The following PI4KB variants were observed in gnomAD, a reference collection of about 807,000 sequenced individuals.
The protein encoded by PI4KB is PtdIns 4-kinase beta.
Under a neutral mutation model 81.4 loss-of-function variants are expected in PI4KB, and 23 were observed. That is an observed-to-expected ratio of 0.28 (90% CI 0.20 to 0.40). PI4KB has a LOEUF of 0.40. Ranked by LOEUF, PI4KB falls within the 10% of genes least tolerant of loss-of-function variation. The probability of loss-of-function intolerance (pLI) is 1.00; values close to 1 mark genes in which losing one functional copy is unlikely to be tolerated. For missense variants in PI4KB, 651 were observed against 1,036.6 expected, an observed-to-expected ratio of 0.63 and a Z score of 5.11; for synonymous variants, 381 against 406.8, an observed-to-expected ratio of 0.94 and a Z score of 0.76.
At chr1:151,309,724 C>T (rs1456491831) in intron 3 of PI4KB, among the ~76,000 whole-genome samples, 2 of 152,200 alleles carry the variant, frequency 1.3e-5, no homozygotes, top group African/African-American at 4.8e-5. Context: ...AACTTTCCTT[C>T]AGGCCAAGTC....
At chr1:151,294,326 T>G in intron 10 of PI4KB, 83 bp downstream of exon 10, 1 of 1,522,070 alleles carries the variant, frequency 6.6e-7, no homozygotes, top group African/African-American at 1.4e-5. Flanking sequence ...ATCCCTAATT[T>G]GCAGGGAGCC....
At position 151,307,573 on chromosome 1, in the gene PI4KB, C is replaced by T. The variant is rs1279890209; in HGVS notation, c.1182+1G>A. 6.2e-7 allele frequency: 1 copy of T among 1,607,090 alleles called. No individual in the cohort carries two copies. The highest frequency in any genetic ancestry group is 8.5e-7 in the Non-Finnish European group (1 of 1,173,680). ...AGGGGTTTGGGCCAGAACCCATCTA[C>T]CTTGTCCTTGGAGTTGAGGACAACA... On this transcript the variant is annotated splice_donor_variant, in intron 4 of 11. Coordinates refer to ENST00000368873, the MANE Select transcript of PI4KB (RefSeq NM_001369623.2). LOFTEE classifies it high-confidence loss of function.
chr1:151,316,657 A>AT, intron 1 of PI4KB, 148 bp from the exon 2 acceptor site: 2 of 531,554 alleles, frequency 3.8e-6, no homozygotes, highest in South Asian at 3.7e-5. Flanking sequence ...AAATCAGATA[A>AT]GAAGACATAT....
Position 151,302,266 on chromosome 1 carries a change from G to C in PI4KB, c.1553C>G (p.Pro518Arg). ...RRLSEQLAHT[P>R]TAFKRDPEDP... ...TTCTGGGTCTCGTTTGAAGGCTGTC[G>C]GGGTATGAGCCAGCTGTTCCGAAAG... Residue 518 changes from proline to arginine, a missense_variant, in exon 7 of 12, where the codon CCG becomes CGG. Around this residue, in one of 5 missense-constraint regions of PI4KB, gnomAD observed 246 missense variants for 430.1 expected, o/e 0.57. Coordinates refer to ENST00000368873, the MANE Select transcript of PI4KB (RefSeq NM_001369623.2). 6.2e-7 allele frequency: 1 copy of C among 1,614,120 alleles called. No homozygotes were observed. Among genetic ancestry groups the C allele is most frequent in the Non-Finnish European group, 8.5e-7 (1 of 1,179,982 alleles).
chr1:151,315,765 C>T lies in PI4KB; in HGVS notation c.717G>A (p.Leu239=). 6.2e-7 allele frequency: 1 copy of T among 1,613,220 alleles called. No homozygotes were observed. Among genetic ancestry groups the T allele is most frequent in the South Asian group, 1.1e-5 (1 of 91,020 alleles). The change falls in exon 2 of 12, where the codon CTG becomes CTA. Residue 239 remains leucine (L), a synonymous_variant. Transcript: ENST00000368873. ...RHSRGTKLRK[L]ILSDELKPAH... is the part of the protein sequence containing the mutation. The stretch of plus-strand genomic sequence containing the variant: ...CTGGCTTTAGCTCATCTGAGAGGAT[C>T]AGCTTCCGTAGCTTGGTCCCACGGG...
chr1:151,294,653 A>C, intron 9 of PI4KB, 112 bp from the exon 10 acceptor site: 3 of 907,098 alleles, frequency 3.3e-6, no homozygotes, highest in Non-Finnish European at 5.3e-6. Flanking sequence ...GTCCCCTGCC[A>C]TGTTTCCTGC....
Position 151,316,745 on chromosome 1 carries a change from C to T in PI4KB, c.-28-236G>A, listed in dbSNP as rs1401178505. ...CTCCTGTAGTTACTCAGCTTAGCCT[C>T]TGTTCTTAGCTTATATATGTGAAAT... is the stretch of plus-strand genomic sequence containing the variant. On this transcript the variant is annotated intron_variant, in intron 1 of 11. Coordinates refer to ENST00000368873, the MANE Select transcript of PI4KB (RefSeq NM_001369623.2). 2.0e-5 allele frequency among the ~76,000 whole-genome samples: 3 copies of T among 152,218 alleles called. No individual in the cohort carries two copies. The East Asian group carries it at 5.8e-4, about 29-fold the overall frequency.
chr1:151,301,884 C>T lies in PI4KB; in HGVS notation c.1709G>A (p.Arg570Gln), dbSNP rs1477864133. The T allele has an allele frequency of 2.5e-6, 4 of 1,614,054 alleles. No homozygotes were observed. The highest frequency in any genetic ancestry group is 3.4e-6 in the Non-Finnish European group (4 of 1,180,006). The stretch of plus-strand genomic sequence containing the variant: ...CACCTGAAAGGCCAGAAGCTCTTGC[C>T]GAAGGTCATCCCCACACTTGACAAT... Reference protein sequence around the residue: ...SVIVKCGDDLRQELLAFQVLK... With the variant: ...SVIVKCGDDLQQELLAFQVLK... Residue 570 changes from arginine (R) to glutamine (Q), a missense_variant, in exon 8 of 12, where the codon CGG becomes CAG. Physicochemically the swap from Arg to Gln is conservative, Grantham distance 43. This residue lies in a region of PI4KB where 246 missense variants were observed against 430.1 expected (regional missense o/e 0.57). Coordinates refer to ENST00000368873, the MANE Select transcript of PI4KB (RefSeq NM_001369623.2).
intron 3 of PI4KB, among the ~76,000 whole-genome samples, chr1:151,308,221 T>A (rs752909033): frequency 6.6e-6 from 1 of 152,182 alleles, no homozygotes; most frequent in Non-Finnish European, 1.5e-5. Context: ...CCCATCTGGA[T>A]CCTTGGGCTA....
At chr1:151,300,024 G>A (rs1016803069) in intron 8 of PI4KB, among the ~76,000 whole-genome samples, 2 of 152,104 alleles carry the variant, frequency 1.3e-5, no homozygotes, top group African/African-American at 2.4e-5. Context: ...TGGCAAAAAC[G>A]GGCAAGGAAG....
intron 2 of PI4KB, 25 bp from the exon 3 acceptor site, chr1:151,310,280 G>A: frequency 6.7e-7 from 1 of 1,486,942 alleles, no homozygotes; most frequent in Non-Finnish European, 9.3e-7. Flanking sequence ...GAGGGCAAAG[G>A]GAGAAGGAGG....
intron 1 of PI4KB, among the ~76,000 whole-genome samples, chr1:151,316,854 G>C (rs908301768): frequency 6.6e-6 from 1 of 152,066 alleles, no homozygotes; most frequent in Non-Finnish European, 1.5e-5. Flanking sequence ...ACGGAGTCTC[G>C]CTCTGTCACC....
intron 9 of PI4KB, 98 bp from the exon 10 acceptor site, chr1:151,294,639 G>C (rs1694636957): frequency 2.6e-6 from 3 of 1,169,860 alleles, no homozygotes; most frequent in African/African-American, 3.0e-5. Context: ...CACCAGGGAG[G>C]GGGGTCCCCT....
intron 2 of PI4KB, among the ~76,000 whole-genome samples, chr1:151,313,697 T>C (rs1054842165): frequency 6.6e-6 from 1 of 152,276 alleles, no homozygotes; most frequent in Non-Finnish European, 1.5e-5. Flanking sequence ...CAACCAGATA[T>C]GAAAACGGTT....
chr1:151,303,021 C>CG (rs975316947), intron 6 of PI4KB, among the ~76,000 whole-genome samples: 2 of 105,544 alleles, frequency 1.9e-5, no homozygotes, highest in Admixed American at 1.1e-4. Flanking sequence ...TTTTTTGAGA[C>CG]GGAGTCTCGT....
chr1:151,306,212 C>G lies in PI4KB; in HGVS notation c.1334G>C (p.Ser445Thr). ...GTCATAGTTGGGCACAGTGCTGAAGCTGCCAGCTCGCTGCTCATGGGTAAT... is the reference window on the plus strand; with the variant it reads ...GTCATAGTTGGGCACAGTGCTGAAGGTGCCAGCTCGCTGCTCATGGGTAAT... ...CGITHEQRAG[S>T]FSTVPNYDND... is the part of the protein sequence containing the mutation. Residue 445 changes from serine to threonine, a missense_variant, in exon 5 of 12, where the codon AGC becomes ACC. This residue lies in a region of PI4KB where 246 missense variants were observed against 430.1 expected (regional missense o/e 0.57). Transcript: ENST00000368873. 1 of 1,614,214 alleles carries G rather than the reference C, an allele frequency of 6.2e-7. No homozygotes were observed. The highest frequency in any genetic ancestry group is 8.5e-7 in the Non-Finnish European group (1 of 1,180,046).
chr1:151,291,828 G>GTAA lies in PI4KB; in HGVS notation c.*1021_*1023dup, dbSNP rs946237370. The GTAA allele has an allele frequency of 5.9e-5, 9 of 152,538 alleles. No individual in the cohort carries two copies. The highest frequency in any genetic ancestry group is 2.1e-4 in the South Asian group (1 of 4,834). The allele number at this position is 152,538 out of a possible 1,614,324, so 9.4% of individuals were successfully genotyped here. ...CTCTCAGGAATCCTTTATTCTTGTA[G>GTAA]TAATAATAATACTAACAAACAGTTG... On this transcript the variant is annotated 3_prime_UTR_variant, in exon 12 of 12. Coordinates refer to ENST00000368873, the MANE Select transcript of PI4KB (RefSeq NM_001369623.2).
rs771211131 is a variant in PI4KB, at chr1:151,315,664, T to A, written c.818A>T (p.Gln273Leu). The stretch of plus-strand genomic sequence containing the variant: ...GGCAGTGGCATCTGACTTAGAGCGC[T>A]GGTGAGTCCTTTTGGAGGGAGACAG... ...TGLSPSKRTH[Q>L]RSKSDATASI... Residue 273 changes from glutamine to leucine, a missense_variant, in exon 2 of 12, where the codon CAG (glutamine) becomes CTG (leucine). Transcript: ENST00000368873. The A allele has an allele frequency of 6.2e-7, 1 of 1,614,120 alleles. No individual in the cohort carries two copies. The highest frequency in any genetic ancestry group is 2.2e-5 in the East Asian group (1 of 44,870).
At position 151,292,159 on chromosome 1, in the gene PI4KB, A is replaced by AAAATT. The variant is rs1453087444; in HGVS notation, c.*688_*692dup. On this transcript the variant is annotated 3_prime_UTR_variant, in exon 12 of 12. Transcript: ENST00000368873. ...CTAACTAAGGACTTTATTTCAAACA[A>AAAATT]AAATTAAAAATAAAAAATTGAGAGC... The AAAATT allele has an allele frequency of 1.3e-5, 2 of 152,326 alleles. No homozygotes were observed. Among genetic ancestry groups the AAAATT allele is most frequent in the South Asian group, 2.1e-4 (1 of 4,834 alleles). The allele number at this position is 152,326 out of a possible 1,614,324, so 9.4% of individuals were successfully genotyped here. A position where few individuals can be genotyped will look rare whatever the true frequency, so the allele number is the denominator to read the frequency against.
Sources: gnomAD v4.1 joint callset for allele counts (sites outside exome capture counted in the v4.1 genomes callset) on GRCh38, gnomAD v4.1.1 for gene constraint, gnomAD v4.1.1 regional missense constraint, MANE v1.5 for transcripts, NCBI Gene and HGNC (gene_info 2026-07-23, HGNC 2026-07-21) for gene names.